The following TJP3 variants were observed in gnomAD, a reference collection of about 807,000 sequenced individuals.
The protein encoded by TJP3 is tight junction protein ZO-3.
TJP3 carries 85 observed loss-of-function variants against 104.2 expected under a neutral mutation model. The ratio of observed to expected loss-of-function variants is 0.82; its 90% CI spans 0.68 to 0.98. The LOEUF is 0.98. Ranked by LOEUF, TJP3 falls within the 50% of genes least tolerant of loss-of-function variation. The probability of loss-of-function intolerance (pLI) is 0.00; values close to 1 mark genes in which losing one functional copy is unlikely to be tolerated. For synonymous variants in TJP3, 550 were observed against 550.6 expected (o/e 1.00, Z 0.02); for missense variants, 1,367 against 1,322.8 (o/e 1.03, Z -0.52).
chr19:3,731,141 G>T (rs570616489), intron 5 of TJP3, among the ~76,000 whole-genome samples: 1 of 152,138 alleles, frequency 6.6e-6, no homozygotes, highest in South Asian at 2.1e-4. Flanking sequence ...TCTGGGCTAG[G>T]TTGAGCCATA....
At chr19:3,741,385 G>A (rs2036816647) in intron 14 of TJP3, among the ~76,000 whole-genome samples, 1 of 151,926 alleles carries the variant, frequency 6.6e-6, no homozygotes, top group Admixed American at 6.6e-5. Flanking sequence ...CAGGAAGATT[G>A]CTTGAGCTTG....
At position 3,730,464 on chromosome 19, in the gene TJP3, T is replaced by G. The variant is rs147974910; in HGVS notation, c.371T>G (p.Val124Gly). The G allele has an allele frequency of 6.8e-3, 10,700 of 1,584,686 alleles. 63 individuals are homozygous for G. Among genetic ancestry groups the G allele is most frequent in the Non-Finnish European group, 6.9e-3 (7,990 of 1,166,168 alleles). ...EDDGPQRVEEVDQGRGYDGDS... is the reference protein window; with the variant it reads ...EDDGPQRVEEGDQGRGYDGDS... ...GATGGGCCCCAGCGGGTGGAGGAGG[T>G]GGACCAGGGCCGGGGCTATGACGGC... Residue 124 changes from valine (V) to glycine (G), a missense_variant, in exon 5 of 21, where the codon GTG becomes GGG. Physicochemically the swap from Val to Gly is moderately radical, Grantham distance 109. Transcript: ENST00000541714. This position sits in a 1 kb window ranked among gnomAD's most constrained non-coding sequence, Gnocchi z 7.3.
rs1018331995 is a variant in TJP3 at position 3,730,438 on chromosome 19, C to T, written c.345C>T (p.Asp115=). ...CAGGGCGCCAGGACTCGGATGAAGA[C>T]GATGGGCCCCAGCGGGTGGAGGAGG... is the stretch of plus-strand genomic sequence containing the variant. The part of the protein sequence containing the change: ...SSPGRQDSDE[D]DGPQRVEEVD... The change falls in exon 5 of 21, where the codon GAC becomes GAT. Residue 115 remains aspartate (D), a synonymous_variant. Transcript: ENST00000541714. This position sits in a 1 kb window ranked among gnomAD's most constrained non-coding sequence, Gnocchi z 7.3. 5.0e-6 allele frequency: 8 copies of T among 1,591,318 alleles called. No individual in the cohort carries two copies. The highest frequency in any genetic ancestry group is 2.7e-5 in the African/African-American group (2 of 74,456).
chr19:3,733,944 G>C (rs1393757659), intron 7 of TJP3, 32 bp downstream of exon 7: 1 of 1,604,426 alleles, frequency 6.2e-7, no homozygotes, highest in African/African-American at 1.3e-5. Context: ...CCTGGGAGGG[G>C]GTTGAATGGA....
At chr19:3,721,671 C>G in intron 1 of TJP3, 1 of 348,652 alleles carries the variant, frequency 2.9e-6, no homozygotes, top group Admixed American at 4.8e-5. Flanking sequence ...TCCGCCGCGT[C>G]CAGGGGGCGT....
intron 1 of TJP3, among the ~76,000 whole-genome samples, chr19:3,711,752 G>GAAAA: frequency 2.9e-5 from 2 of 67,952 alleles, no homozygotes; most frequent in Admixed American, 1.7e-4. Context: ...AAAAAAAAAA[G>GAAAA]GTGCTTTATG....
intron 14 of TJP3, among the ~76,000 whole-genome samples, chr19:3,741,687 G>A (rs1335207957): frequency 6.6e-6 from 1 of 151,526 alleles, no homozygotes; most frequent in Non-Finnish European, 1.5e-5. Context: ...ATACTTTTGG[G>A]CCTGGGTGCG....
Position 3,708,451 on chromosome 19 carries a change from G to A in TJP3, c.-120G>A, listed in dbSNP as rs546408442. 5.6e-4 allele frequency: 85 copies of A among 152,302 alleles called. No homozygotes were observed. The highest frequency in any genetic ancestry group is 2.0e-3 in the African/African-American group (85 of 41,552). 9.4% of individuals were successfully genotyped at this position (152,302 alleles called of 1,614,324 possible). On this transcript the variant is annotated 5_prime_UTR_variant, in exon 1 of 21. Transcript: ENST00000541714. ...GAGAGGAAAAGTTGGTCAAACAGGTGGGGAGGCCAGAGCTACAAGCCTCGG... is the reference window on the plus strand; with the variant it reads ...GAGAGGAAAAGTTGGTCAAACAGGTAGGGAGGCCAGAGCTACAAGCCTCGG...
At chr19:3,708,964 T>C (rs1481726772) in intron 1 of TJP3, among the ~76,000 whole-genome samples, 1 of 152,068 alleles carries the variant, frequency 6.6e-6, no homozygotes, top group Non-Finnish European at 1.5e-5. Flanking sequence ...TGGGAAAGGC[T>C]GCGACCTCAC....
At chr19:3,735,518 G>T in intron 8 of TJP3, 48 bp from the exon 9 acceptor site, 2 of 1,590,766 alleles carry the variant, frequency 1.3e-6, no homozygotes, top group Non-Finnish European at 1.7e-6. Context: ...TTTTAAAATG[G>T]CCCCTTGAAA....
chr19:3,734,340 C>T lies in TJP3; in HGVS notation c.891C>T (p.Leu297=), dbSNP rs779704406. Reference sequence around the variant, plus strand: ...CTCCCCCTGCAGACATCTCGGACCTCGCCTCGGAGCTATCGCAGGCACCAC... The same window carrying T: ...CTCCCCCTGCAGACATCTCGGACCTTGCCTCGGAGCTATCGCAGGCACCAC... ...DSSPLEDISD[L]ASELSQAPPS... The change falls in exon 8 of 21, where the codon CTC becomes CTT. Residue 297 remains leucine (L), a synonymous_variant. Coordinates refer to ENST00000541714, the MANE Select transcript of TJP3 (RefSeq NM_001267560.2). 1.6e-5 allele frequency: 26 copies of T among 1,613,726 alleles called. No homozygotes were observed. Among genetic ancestry groups the T allele is most frequent in the South Asian group, 8.8e-5 (8 of 91,080 alleles).
intron 1 of TJP3, among the ~76,000 whole-genome samples, chr19:3,726,106 C>T (rs925523921): frequency 3.9e-5 from 6 of 152,234 alleles, no homozygotes; most frequent in East Asian, 1.9e-4. Flanking sequence ...ATCACACACC[C>T]GCTGTGCCAA....
At chr19:3,727,081 TAA>T (rs565948123) in intron 1 of TJP3, among the ~76,000 whole-genome samples, 2 of 141,686 alleles carry the variant, frequency 1.4e-5, no homozygotes, top group African/African-American at 2.6e-5. Flanking sequence ...AGACCCTGTC[TAA>T]AAAAAAAAAA....
rs117237302 is a variant in TJP3 at position 3,746,002 on chromosome 19, C to G, written c.1940-9C>G. The G allele has an allele frequency of 6.3e-7, 1 of 1,597,540 alleles. No individual in the cohort carries two copies. The highest frequency in any genetic ancestry group is 2.3e-5 in the East Asian group (1 of 44,340). ...TCCTGAAGCTGCTGGTCCTCTCTGC[C>G]GTCCACAGAGACTGTGTCCAGGACC... On this transcript the variant is annotated splice_polypyrimidine_tract_variant and intron_variant, in intron 15 of 20. Coordinates refer to ENST00000541714, the MANE Select transcript of TJP3 (RefSeq NM_001267560.2). The surrounding 1 kb of genome is among the most constrained non-coding windows in gnomAD (Gnocchi z 4.1).
chr19:3,724,069 T>C (rs1224362103), intron 1 of TJP3, among the ~76,000 whole-genome samples: 1 of 152,098 alleles, frequency 6.6e-6, no homozygotes. Context: ...TGTGGAGCTC[T>C]GGAGGGTTTA....
chr19:3,742,431 G>A (rs889913302), intron 14 of TJP3, among the ~76,000 whole-genome samples: 1 of 151,488 alleles, frequency 6.6e-6, no homozygotes, highest in Non-Finnish European at 1.5e-5. Flanking sequence ...AGACTCTGGG[G>A]GGAAAAATGC....
Position 3,730,815 on chromosome 19 carries a change from G to A in TJP3, c.613+109G>A. Reference sequence around the variant, plus strand: ...CCTGCCTCAGCCTCCCTGGTGGCTGGGACTCCAGGCGCCCGCCACCATGCC... The same window carrying A: ...CCTGCCTCAGCCTCCCTGGTGGCTGAGACTCCAGGCGCCCGCCACCATGCC... On this transcript the variant is annotated intron_variant, in intron 5 of 20. Transcript: ENST00000541714. The surrounding 1 kb of genome is among the most constrained non-coding windows in gnomAD (Gnocchi z 7.3). 5 of 1,196,170 alleles carry A rather than the reference G, an allele frequency of 4.2e-6. No individual in the cohort carries two copies. Among genetic ancestry groups the A allele is most frequent in the South Asian group, 3.2e-5 (2 of 63,180 alleles). The allele number at this position is 1,196,170 out of a possible 1,614,324, so 74.1% of individuals were successfully genotyped here. A position where few individuals can be genotyped will look rare whatever the true frequency, so the allele number is the denominator to read the frequency against.
intron 1 of TJP3, among the ~76,000 whole-genome samples, chr19:3,716,802 T>TATATA (rs1491300447): frequency 8.0e-3 from 379 of 47,352 alleles, no homozygotes; most frequent in African/African-American, 0.024. Context: ...TATATATATA[T>TATATA]TTTTTTTTTT....
Position 3,746,372 on chromosome 19 carries a change from G to T in TJP3, c.2011-113G>T. 3 of 1,196,722 alleles carry T rather than the reference G, an allele frequency of 2.5e-6. No homozygotes were observed. Among genetic ancestry groups the T allele is most frequent in the Non-Finnish European group, 3.5e-6 (3 of 845,656 alleles). 74.1% of individuals were successfully genotyped at this position (1,196,722 alleles called of 1,614,324 possible). On this transcript the variant is annotated intron_variant, in intron 16 of 20. Coordinates refer to ENST00000541714, the MANE Select transcript of TJP3 (RefSeq NM_001267560.2). This position sits in a 1 kb window ranked among gnomAD's most constrained non-coding sequence, Gnocchi z 4.1. The stretch of plus-strand genomic sequence containing the variant: ...CCCATCCCCAACTTGCTAGCCTGTG[G>T]ATGTGAGAGGCTGGGGTCCACTCTG...
Sources: gnomAD v4.1 joint callset for allele counts (sites outside exome capture counted in the v4.1 genomes callset) on GRCh38, gnomAD v4.1.1 for gene constraint, Gnocchi (gnomAD v3.1) non-coding constraint, MANE v1.5 for transcripts, NCBI Gene and HGNC (gene_info 2026-07-23, HGNC 2026-07-21) for gene names.